Variants in CEP89 observed in about 807,000 individuals in gnomAD.
The protein encoded by CEP89 is centrosomal protein of 89 kDa.
CEP89 carries 95 observed loss-of-function variants against 97.6 expected under a neutral mutation model. The ratio of observed to expected loss-of-function variants is 0.97; its 90% CI spans 0.82 to 1.15. The LOEUF (loss-of-function observed/expected upper bound fraction) is 1.15, where lower values mean the gene tolerates loss of function less well. CEP89 is among the 50% of genes most tolerant of loss of function. The pLI, the probability that CEP89 is intolerant of heterozygous loss-of-function variation, is 0.00. For missense variants in CEP89, 869 were observed against 947.7 expected (o/e 0.92, Z 1.09); for synonymous variants, 354 against 349.1 (o/e 1.01, Z -0.16).
chr19:32,946,840 C>T (rs1424394555), intron 5 of CEP89, among the ~76,000 whole-genome samples: 1 of 152,118 alleles, frequency 6.6e-6, no homozygotes, highest in Non-Finnish European at 1.5e-5. Context: ...ACTATGAGTC[C>T]ATTAAACTTC....
intron 7 of CEP89, among the ~76,000 whole-genome samples, chr19:32,935,907 C>A (rs1222442774): frequency 6.6e-6 from 1 of 152,176 alleles, no homozygotes; most frequent in African/African-American, 2.4e-5. Context: ...TGGCTTCACC[C>A]CACTGTGGGC....
In CEP89 at chr19:32,881,949, T is replaced by G; in HGVS notation, c.2030A>C (p.Glu677Ala). The G allele has an allele frequency of 1.3e-6, 2 of 1,596,414 alleles. No homozygotes were observed. Among genetic ancestry groups the G allele is most frequent in the Non-Finnish European group, 1.7e-6 (2 of 1,172,108 alleles). The change falls in exon 18 of 19, where the codon GAG becomes GCG. Residue 677 changes from glutamate (E) to alanine (A), a missense_variant. Transcript: ENST00000305768. ...CTGGGCTGTCTTGCCGGCGAAGTCC[T>G]CCTGCTGCTCCAGCAGACGGTGACT... ...DISHRLLEQQ[E>A]DFAGKTAQYR...
chr19:32,933,400 T>C (rs769867622), intron 8 of CEP89, 51 bp downstream of exon 8: 9 of 1,211,832 alleles, frequency 7.4e-6, no homozygotes, highest in Non-Finnish European at 9.5e-6. Flanking sequence ...TCAAAATAAT[T>C]GAGTGAAGTC....
chr19:32,943,890 G>T (rs1970739746), intron 5 of CEP89, among the ~76,000 whole-genome samples: 1 of 151,966 alleles, frequency 6.6e-6, no homozygotes, highest in South Asian at 2.1e-4. Context: ...GCATGTGGGG[G>T]TCCGTGGACG....
intron 14 of CEP89, among the ~76,000 whole-genome samples, chr19:32,904,591 T>C (rs1004316112): frequency 5.4e-5 from 8 of 148,312 alleles, no homozygotes; most frequent in Non-Finnish European, 1.0e-4. Context: ...TCATTTTCTT[T>C]CTTCCTTTTT....
At chr19:32,887,508 G>A (rs143386086) in intron 17 of CEP89, among the ~76,000 whole-genome samples, 15 of 152,210 alleles carry the variant, frequency 9.9e-5, no homozygotes, top group African/African-American at 3.6e-4. Flanking sequence ...GTGAGCCACT[G>A]TGCCTTGCTT....
rs1038570688 is a variant in CEP89, at chr19:32,945,555, T to A, written c.595+2711A>T. On this transcript the variant is annotated intron_variant, in intron 5 of 18. Coordinates refer to ENST00000305768, the MANE Select transcript of CEP89 (RefSeq NM_032816.5). ...GCAGCATTTCCACCCAGCCAGTTGGTACCATGGAAGGCTTCCTCTGTAGAG... is the reference window on the plus strand; with the variant it reads ...GCAGCATTTCCACCCAGCCAGTTGGAACCATGGAAGGCTTCCTCTGTAGAG... Among the ~76,000 whole-genome samples, 13 of 152,312 alleles carry A rather than the reference T, an allele frequency of 8.5e-5. No individual in the cohort carries two copies. In the East Asian group the frequency reaches 2.3e-3, roughly 27 times the overall value.
At chr19:32,900,100 T>C (rs10426667) in intron 15 of CEP89, 102 bp from the exon 16 acceptor site, 5 of 1,063,526 alleles carry the variant, frequency 4.7e-6, no homozygotes, top group Non-Finnish European at 7.0e-6. Flanking sequence ...TGTTAGCATT[T>C]AAATGCTATT....
In CEP89 at chr19:32,901,315, C is replaced by G. The variant is rs1176398262; in HGVS notation, c.1663G>C (p.Glu555Gln). 1 of 1,614,088 alleles carries G rather than the reference C, an allele frequency of 6.2e-7. No individual in the cohort carries two copies. The highest frequency in any genetic ancestry group is 8.5e-7 in the Non-Finnish European group (1 of 1,180,048). Residue 555 changes from glutamate to glutamine, a missense_variant, in exon 15 of 19, where the codon GAG becomes CAG. By Grantham distance (29) the Glu-to-Gln change is conservative. Coordinates refer to ENST00000305768, the MANE Select transcript of CEP89 (RefSeq NM_032816.5). ...TTTTGCTCTGTCAAACTGTTCTTCT[C>G]TAACAGCAGGCTCTTCTTCTGCGCT... ...LQAQKKSLLL[E>Q]KNSLTEQNKA...
Position 32,933,524 on chromosome 19 carries a change from T to C in CEP89, c.813A>G (p.Leu271=). Residue 271 remains leucine (L), a synonymous_variant, in exon 8 of 19, where the codon CTA becomes CTG. Coordinates refer to ENST00000305768, the MANE Select transcript of CEP89 (RefSeq NM_032816.5). ...TTTCCATTCCCTTAAGTTTTAACTG[T>C]AGTTCTTTCATTGCTTGTTTCATTG... ...LNTMKQAMKE[L]QLKLKGMEKE... is the part of the protein sequence containing the mutation. 2 of 1,614,110 alleles carry C rather than the reference T, an allele frequency of 1.2e-6. No homozygotes were observed. Among genetic ancestry groups the C allele is most frequent in the Non-Finnish European group, 1.7e-6 (2 of 1,179,950 alleles).
chr19:32,905,993 C>A (rs542541895), intron 14 of CEP89, among the ~76,000 whole-genome samples: 2 of 152,206 alleles, frequency 1.3e-5, no homozygotes, highest in African/African-American at 4.8e-5. Context: ...TTTACCTTAA[C>A]ATCTACCTTG....
At position 32,921,171 on chromosome 19, in the gene CEP89, G is replaced by A. The variant is rs548726667; in HGVS notation, c.1268+2268C>T. Reference sequence around the variant, plus strand: ...CAGGAGGTGGAGGTTGCAGTGAGTCGAGATCGCGCCACTGCACTTCAGCCT... The same window carrying A: ...CAGGAGGTGGAGGTTGCAGTGAGTCAAGATCGCGCCACTGCACTTCAGCCT... On this transcript the variant is annotated intron_variant, in intron 12 of 18. Coordinates refer to ENST00000305768, the MANE Select transcript of CEP89 (RefSeq NM_032816.5). Among the ~76,000 whole-genome samples the A allele has an allele frequency of 9.0e-4, 136 of 151,258 alleles. 1 individual carries two copies. The highest frequency in any genetic ancestry group is 2.0e-3 in the Admixed American group (31 of 15,188).
At position 32,900,796 on chromosome 19, in the gene CEP89, A is replaced by T. The variant is rs113852278; in HGVS notation, c.1733+449T>A. Among the ~76,000 whole-genome samples the T allele has an allele frequency of 6.5e-3, 994 of 152,280 alleles. 17 individuals carry two copies. The highest frequency in any genetic ancestry group is 0.023 in the African/African-American group (940 of 41,542). ...GCAACAATACTTATTATAATCTGAT[A>T]TCCAGTAATTTCAATTACCCTTTTC... On this transcript the variant is annotated intron_variant, in intron 15 of 18. Coordinates refer to ENST00000305768, the MANE Select transcript of CEP89 (RefSeq NM_032816.5).
rs532070824 is a variant in CEP89 at position 32,879,131 on chromosome 19, G to A, written c.*31C>T. 1 of 1,558,650 alleles carries A rather than the reference G, an allele frequency of 6.4e-7. No homozygotes were observed. The highest frequency in any genetic ancestry group is 1.2e-5 in the South Asian group (1 of 83,698). ...TGTGTGAGGCAGACCTTTCAGGCCA[G>A]AGGAGGCTACACCACGGGCTCCCGC... is the stretch of plus-strand genomic sequence containing the variant. On this transcript the variant is annotated 3_prime_UTR_variant, in exon 19 of 19. Transcript: ENST00000305768.
rs544957053 is a variant in CEP89 at position 32,936,540 on chromosome 19, T to C, written c.667+1091A>G. Among the ~76,000 whole-genome samples the C allele has an allele frequency of 6.6e-6, 1 of 152,192 alleles. No homozygotes were observed. The highest frequency in any genetic ancestry group is 2.1e-4 in the South Asian group (1 of 4,824). On this transcript the variant is annotated intron_variant, in intron 7 of 18. Transcript: ENST00000305768. The surrounding 1 kb of genome is among the most constrained non-coding windows in gnomAD (Gnocchi z 4.5). The stretch of plus-strand genomic sequence containing the variant: ...GTGGGACTGCAGTAGGAACTTATGG[T>C]GCCTTTTCCAGGCCCACCCATGGCC...
In CEP89 at chr19:32,968,961, T is replaced by C. The variant is rs536190119; in HGVS notation, c.40-2495A>G. 4 of 152,262 alleles carry C rather than the reference T, an allele frequency of 2.6e-5. No homozygotes were observed. The East Asian group carries it at 5.8e-4, about 22-fold the overall frequency. The allele number at this position is 152,262 out of a possible 1,614,324, so 9.4% of individuals were successfully genotyped here. A position where few individuals can be genotyped will look rare whatever the true frequency, so the allele number is the denominator to read the frequency against. On this transcript the variant is annotated intron_variant, in intron 1 of 18. Coordinates refer to ENST00000305768, the MANE Select transcript of CEP89 (RefSeq NM_032816.5). ...TGTTAGAAGAGCTCAGAGGAGTGGG[T>C]AGCTCCTCTCTGGAGACAGATTGTC...
In CEP89 at chr19:32,918,878, C is replaced by CTTTTCTTTTTT. The variant is rs1568559832; in HGVS notation, c.1269-540_1269-539insAAAAAAGAAAA. On this transcript the variant is annotated intron_variant, in intron 12 of 18. Coordinates refer to ENST00000305768, the MANE Select transcript of CEP89 (RefSeq NM_032816.5). ...GGTTTCTTTTTTCTTTTTTCTTTTTCTTTTTCTTTTTTTTTTTTTTTTTTG... is the reference window on the plus strand; with the variant it reads ...GGTTTCTTTTTTCTTTTTTCTTTTTCTTTTCTTTTTTTTTTTCTTTTTTTTTTTTTTTTTTG... Among the ~76,000 whole-genome samples, 29 of 110,840 alleles carry CTTTTCTTTTTT rather than the reference C, an allele frequency of 2.6e-4. 1 individual carries two copies. Among genetic ancestry groups the CTTTTCTTTTTT allele is most frequent in the Non-Finnish European group, 4.1e-4 (21 of 51,486 alleles). The allele number at this position is 110,840 out of a possible 152,430, so 72.7% of individuals were successfully genotyped here. A position where few individuals can be genotyped will look rare whatever the true frequency, so the allele number is the denominator to read the frequency against.
chr19:32,892,101 TATATATTTAGACATAC>T lies in CEP89; in HGVS notation c.1876-4276_1876-4261del, dbSNP rs1166176194. 6.3e-4 allele frequency among the ~76,000 whole-genome samples: 92 copies of T among 147,132 alleles called. 1 individual carries two copies. The highest frequency in any genetic ancestry group is 2.2e-3 in the African/African-American group (87 of 39,976). On this transcript the variant is annotated intron_variant, in intron 16 of 18. Coordinates refer to ENST00000305768, the MANE Select transcript of CEP89 (RefSeq NM_032816.5). ...AAATACAGAATTCTAAATATATATATATATATTTAGACATACATATATTTAGACATATATATTTAGA... is the reference window on the plus strand; with the variant it reads ...AAATACAGAATTCTAAATATATATATATATATTTAGACATATATATTTAGA...
intron 8 of CEP89, among the ~76,000 whole-genome samples, chr19:32,932,102 A>AC (rs1970488181): frequency 6.6e-6 from 1 of 151,692 alleles, no homozygotes; most frequent in African/African-American, 2.4e-5. Flanking sequence ...AATGGCGTGA[A>AC]CCCAGGGGGT....
Sources: allele counts gnomAD v4.1 joint callset (sites outside exome capture counted in the v4.1 genomes callset), GRCh38; gene constraint gnomAD v4.1.1; non-coding constraint Gnocchi (gnomAD v3.1); transcripts MANE v1.5; gene names NCBI Gene and HGNC (gene_info 2026-07-23, HGNC 2026-07-21).